Variants in RYR3 observed in about 807,000 individuals in gnomAD.
RYR3 encodes brain ryanodine receptor-calcium release channel.
RYR3 carries 207 observed loss-of-function variants against 584.3 expected under a neutral mutation model. That is an observed-to-expected ratio of 0.35 (90% CI 0.32 to 0.40). The LOEUF (loss-of-function observed/expected upper bound fraction) is 0.40, where lower values mean the gene tolerates loss of function less well. RYR3 is among the 10% of genes least tolerant of loss of function. The pLI, the probability that RYR3 is intolerant of heterozygous loss-of-function variation, is 1.00. For synonymous variants in RYR3, 2,416 were observed against 2,248.5 expected (o/e 1.07, Z -2.11); for missense variants, 5,616 against 6,089.2 (o/e 0.92, Z 2.59).
In RYR3 at chr15:33,414,635, C is replaced by T. The variant is rs369950516; in HGVS notation, c.52-58784C>T. Among the ~76,000 whole-genome samples the T allele has an allele frequency of 1.7e-3, 252 of 152,230 alleles. 5 individuals carry two copies. The South Asian group carries it at 0.03, about 18-fold the overall frequency. On this transcript the variant is annotated intron_variant, in intron 1 of 103. Coordinates refer to ENST00000634891, the MANE Select transcript of RYR3 (RefSeq NM_001036.6). Reference sequence around the variant, plus strand: ...TTTTTATTTTTTTTGGATGGAGTCTCGCTCTGTCGCCCAGGCTGGAGTGCA... The same window carrying T: ...TTTTTATTTTTTTTGGATGGAGTCTTGCTCTGTCGCCCAGGCTGGAGTGCA...
chr15:33,865,557 G>GAAATCTCGAATGTGTAATACCTGAAAA lies in RYR3; in HGVS notation c.*332_*358dup, dbSNP rs1890221408. 1.3e-5 allele frequency: 3 copies of GAAATCTCGAATGTGTAATACCTGAAAA among 239,142 alleles called. No individual in the cohort carries two copies. The highest frequency in any genetic ancestry group is 6.7e-5 in the African/African-American group (3 of 44,598). The allele number at this position is 239,142 out of a possible 1,614,324, so 14.8% of individuals were successfully genotyped here. Reference sequence around the variant, plus strand: ...ATGAAGGAAAGGGCTAGAGAAGTATGAAATCTCGAATGTGTAATACCTGAA... The same window carrying GAAATCTCGAATGTGTAATACCTGAAAA: ...ATGAAGGAAAGGGCTAGAGAAGTATGAAATCTCGAATGTGTAATACCTGAAAAAAATCTCGAATGTGTAATACCTGAA... On this transcript the variant is annotated 3_prime_UTR_variant, in exon 104 of 104. Coordinates refer to ENST00000634891, the MANE Select transcript of RYR3 (RefSeq NM_001036.6).
chr15:33,444,251 CT>C (rs2046443949), intron 1 of RYR3, among the ~76,000 whole-genome samples: 5 of 152,244 alleles, frequency 3.3e-5, no homozygotes, highest in Middle Eastern at 6.8e-3. Flanking sequence ...GAGCAAAAAG[CT>C]TGTTAGAACA....
chr15:33,433,128 A>C (rs188467579), intron 1 of RYR3, among the ~76,000 whole-genome samples: 11 of 152,278 alleles, frequency 7.2e-5, no homozygotes, highest in Admixed American at 7.2e-4. Context: ...TATCTGCTGC[A>C]TAGAGATGTA....
chr15:33,540,689 C>T (rs903513505), intron 6 of RYR3, 102 bp from the exon 7 acceptor site: 2 of 727,404 alleles, frequency 2.7e-6, no homozygotes, highest in African/African-American at 1.7e-5. Flanking sequence ...AACCAGATGA[C>T]AGTAAGGCTG....
chr15:33,762,626 C>T (rs540432985), intron 60 of RYR3, among the ~76,000 whole-genome samples: 6 of 152,232 alleles, frequency 3.9e-5, no homozygotes, highest in South Asian at 4.1e-4. Context: ...AGGACACAAA[C>T]GAATGGAAAA....
At chr15:33,737,723 T>C (rs909067683) in intron 49 of RYR3, among the ~76,000 whole-genome samples, 2 of 152,368 alleles carry the variant, frequency 1.3e-5, no homozygotes, top group East Asian at 1.9e-4. Flanking sequence ...AATTTGGTAT[T>C]GCTTCCTCTG....
At chr15:33,678,146 G>A (rs2152735606) in intron 38 of RYR3, among the ~76,000 whole-genome samples, 1 of 152,272 alleles carries the variant, frequency 6.6e-6, no homozygotes, top group Admixed American at 6.5e-5. Context: ...GTAATAAAGA[G>A]TCGGACACAG....
intron 3 of RYR3, among the ~76,000 whole-genome samples, chr15:33,517,035 A>G (rs2053581580): frequency 6.6e-6 from 1 of 152,066 alleles, no homozygotes; most frequent in African/African-American, 2.4e-5. Flanking sequence ...TCTATTGCCC[A>G]GGCTGCTGGT....
intron 32 of RYR3, among the ~76,000 whole-genome samples, chr15:33,656,013 C>T (rs1438804444): frequency 1.3e-5 from 2 of 152,208 alleles, no homozygotes; most frequent in East Asian, 1.9e-4. Flanking sequence ...TTTCTGTCCA[C>T]TTAATATAAT....
Position 33,789,570 on chromosome 15 carries a change from C to T in RYR3, c.9830+1112C>T, listed in dbSNP as rs72715164. On this transcript the variant is annotated intron_variant, in intron 67 of 103. Transcript: ENST00000634891. ...GTAGTTTCACAACATCGTGAATGTA[C>T]TAAACATCGCTGATTGCAAATTTTA... 3.3e-3 allele frequency among the ~76,000 whole-genome samples: 401 copies of T among 122,172 alleles called. 1 individual carries two copies. The highest frequency in any genetic ancestry group is 4.7e-3 in the Non-Finnish European group (290 of 61,570). The allele number at this position is 122,172 out of a possible 152,430, so 80.1% of individuals were successfully genotyped here. A position where few individuals can be genotyped will look rare whatever the true frequency, so the allele number is the denominator to read the frequency against.
intron 38 of RYR3, among the ~76,000 whole-genome samples, chr15:33,687,695 G>A (rs1254181612): frequency 1.3e-5 from 2 of 152,304 alleles, no homozygotes; most frequent in African/African-American, 4.8e-5. Context: ...AAACAGCATG[G>A]TGCTGGTACC....
chr15:33,644,117 C>T (rs917956819), intron 27 of RYR3, among the ~76,000 whole-genome samples, 194 bp from the exon 28 acceptor site: 1 of 152,080 alleles, frequency 6.6e-6, no homozygotes, highest in African/African-American at 2.4e-5. Flanking sequence ...TCCTATGTAC[C>T]ATGGGCAGTG....
intron 36 of RYR3, among the ~76,000 whole-genome samples, chr15:33,667,117 G>T (rs1036618488): frequency 5.9e-5 from 9 of 152,042 alleles, no homozygotes; most frequent in Admixed American, 3.3e-4. Context: ...TGCAAAATAT[G>T]GTTTGCAGTA....
rs188856033 is a variant in RYR3, at chr15:33,390,149, G to C, written c.51+79053G>C. On this transcript the variant is annotated intron_variant, in intron 1 of 103. Transcript: ENST00000634891. This position sits in a 1 kb window ranked among gnomAD's most constrained non-coding sequence, Gnocchi z 4.2. ...AATCTGTACTGTTATTCCAAGCAGA[G>C]TCTCGCTGCTGGGAGACAAGAAATG... Among the ~76,000 whole-genome samples, 100 of 152,328 alleles carry C rather than the reference G, an allele frequency of 6.6e-4. No homozygotes were observed. The highest frequency in any genetic ancestry group is 1.5e-4 in the Non-Finnish European group (10 of 68,038).
intron 32 of RYR3, 54 bp downstream of exon 32, chr15:33,652,937 A>T: frequency 6.5e-7 from 1 of 1,531,408 alleles, no homozygotes; most frequent in Non-Finnish European, 8.8e-7. Context: ...GGTGTTTATC[A>T]CTGTGTTCCT....
chr15:33,641,830 G>A (rs2061843528), intron 27 of RYR3, among the ~76,000 whole-genome samples: 2 of 152,098 alleles, frequency 1.3e-5, no homozygotes, highest in South Asian at 4.1e-4. Context: ...CTGTAGAGAG[G>A]GCTTCTGCCC....
chr15:33,537,038 T>C (rs1289847978), intron 5 of RYR3, among the ~76,000 whole-genome samples: 1 of 152,238 alleles, frequency 6.6e-6, no homozygotes, highest in Non-Finnish European at 1.5e-5. Context: ...CAAATCAATA[T>C]TAACTACTTT....
At chr15:33,784,592 A>G (rs1317150230) in intron 65 of RYR3, among the ~76,000 whole-genome samples, 1 of 152,234 alleles carries the variant, frequency 6.6e-6, no homozygotes, top group Admixed American at 6.5e-5. Flanking sequence ...TAGCTCCTTC[A>G]GTGCCGGATG....
At chr15:33,804,106 C>G (rs891640980) in intron 69 of RYR3, among the ~76,000 whole-genome samples, 1 of 152,140 alleles carries the variant, frequency 6.6e-6, no homozygotes, top group African/African-American at 2.4e-5. Context: ...TGAGGAAAAG[C>G]GGGTGTTTGT....
Sources: gnomAD v4.1 joint callset for allele counts (sites outside exome capture counted in the v4.1 genomes callset) on GRCh38, gnomAD v4.1.1 for gene constraint, Gnocchi (gnomAD v3.1) non-coding constraint, MANE v1.5 for transcripts, NCBI Gene and HGNC (gene_info 2026-07-23, HGNC 2026-07-21) for gene names.